The following FSTL5 variants were observed in gnomAD, a reference collection of about 807,000 sequenced individuals.
FSTL5 encodes follistatin like 5.
A neutral mutation model predicts 89.1 loss-of-function variants in FSTL5; 62 were observed. That is an observed-to-expected ratio of 0.70 (90% CI 0.57 to 0.86). FSTL5 has a LOEUF of 0.86. Ranked by LOEUF, FSTL5 falls within the 40% of genes least tolerant of loss-of-function variation. The probability of loss-of-function intolerance (pLI) is 0.00; values close to 1 mark genes in which losing one functional copy is unlikely to be tolerated. For missense variants in FSTL5, 1,057 were observed against 1,001.6 expected (o/e 1.06, Z -0.75); for synonymous variants, 383 against 346.2 (o/e 1.11, Z -1.18).
At chr4:162,087,916 C>A (rs1425479950) in intron 2 of FSTL5, among the ~76,000 whole-genome samples, 1 of 151,142 alleles carries the variant, frequency 6.6e-6, no homozygotes, top group Non-Finnish European at 1.5e-5. Context: ...TGCTTTGTCA[C>A]AGTTGTTGTA....
At chr4:161,893,745 T>C (rs1733062965) in intron 4 of FSTL5, among the ~76,000 whole-genome samples, 1 of 152,184 alleles carries the variant, frequency 6.6e-6, no homozygotes, top group South Asian at 2.1e-4. Context: ...GCATAGCACA[T>C]TGCTGACTGA....
intron 13 of FSTL5, among the ~76,000 whole-genome samples, chr4:161,476,692 A>C (rs1461076743): frequency 1.3e-5 from 2 of 152,158 alleles, no homozygotes; most frequent in Non-Finnish European, 2.9e-5. Context: ...TTGGTTCTAA[A>C]ATGAAGAACT....
chr4:161,810,960 C>A (rs1362773766), intron 4 of FSTL5, among the ~76,000 whole-genome samples: 2 of 152,092 alleles, frequency 1.3e-5, no homozygotes, highest in African/African-American at 2.4e-5. Context: ...AGTAACTATG[C>A]GTCAGCCTCG....
intron 3 of FSTL5, among the ~76,000 whole-genome samples, chr4:161,921,094 T>A (rs567419320): frequency 6.6e-5 from 10 of 152,270 alleles, no homozygotes; most frequent in African/African-American, 2.4e-4. Context: ...AGAAAGCACA[T>A]CCTTGGCACA....
At chr4:162,096,089 C>T (rs1162298237) in intron 2 of FSTL5, among the ~76,000 whole-genome samples, 1 of 151,908 alleles carries the variant, frequency 6.6e-6, no homozygotes, top group Admixed American at 6.6e-5. Context: ...TCAACTTTAA[C>T]TTCCAGTGAT....
chr4:161,952,680 T>G (rs1292129582), intron 3 of FSTL5, among the ~76,000 whole-genome samples: 1 of 151,920 alleles, frequency 6.6e-6, no homozygotes, highest in Non-Finnish European at 1.5e-5. Context: ...AAATGCATTT[T>G]TAATTTAACA....
intron 4 of FSTL5, among the ~76,000 whole-genome samples, chr4:161,815,654 G>T (rs1730301872): frequency 6.6e-6 from 1 of 151,996 alleles, no homozygotes. Context: ...TAAGTCAGTA[G>T]TTATACAATC....
chr4:162,063,827 C>A (rs1738800037), intron 2 of FSTL5, among the ~76,000 whole-genome samples: 1 of 151,864 alleles, frequency 6.6e-6, no homozygotes, highest in African/African-American at 2.4e-5. Context: ...ACTTTTCTAG[C>A]AAGATATTCT....
intron 12 of FSTL5, among the ~76,000 whole-genome samples, chr4:161,488,209 T>G (rs1315982349): frequency 2.0e-5 from 3 of 152,068 alleles, no homozygotes; most frequent in Non-Finnish European, 4.4e-5. Flanking sequence ...TATATTAAAT[T>G]TATCCCATTC....
At chr4:161,692,466 G>T (rs1737976237) in intron 6 of FSTL5, among the ~76,000 whole-genome samples, 1 of 151,842 alleles carries the variant, frequency 6.6e-6, no homozygotes, top group African/African-American at 2.4e-5. Flanking sequence ...AAAATGCACA[G>T]GTTTGGACCC....
chr4:161,399,972 A>G (rs546295925), intron 15 of FSTL5, among the ~76,000 whole-genome samples: 5 of 152,146 alleles, frequency 3.3e-5, no homozygotes, highest in African/African-American at 4.8e-5. Context: ...GATAAATGTT[A>G]ACTTCTTATA....
intron 15 of FSTL5, among the ~76,000 whole-genome samples, chr4:161,445,904 G>T (rs1426121196): frequency 3.3e-5 from 5 of 151,934 alleles, no homozygotes; most frequent in African/African-American, 1.2e-4. Flanking sequence ...ACTAGAAAAA[G>T]TAAATGTGAA....
chr4:161,896,734 AC>A (rs1733169945), intron 4 of FSTL5, among the ~76,000 whole-genome samples: 1 of 152,208 alleles, frequency 6.6e-6, no homozygotes, highest in African/African-American at 2.4e-5. Context: ...AAATTATTTT[AC>A]AAATTCAAAA....
At chr4:162,013,350 G>A (rs1458864094) in intron 3 of FSTL5, among the ~76,000 whole-genome samples, 1 of 152,104 alleles carries the variant, frequency 6.6e-6, no homozygotes, top group Non-Finnish European at 1.5e-5. Context: ...CTCTCCTGAT[G>A]TTTCCTTCTA....
rs1731305808 is a variant in FSTL5 at position 161,528,500 on chromosome 4, T to G, written c.1312+9666A>C. Among the ~76,000 whole-genome samples the G allele has an allele frequency of 1.4e-5, 2 of 142,560 alleles. 1 individual carries two copies. Among genetic ancestry groups the G allele is most frequent in the Non-Finnish European group, 3.1e-5 (2 of 65,118 alleles). 93.5% of individuals were successfully genotyped at this position (142,560 alleles called of 152,430 possible). On this transcript the variant is annotated intron_variant, in intron 10 of 15. Coordinates refer to ENST00000306100, the MANE Select transcript of FSTL5 (RefSeq NM_020116.5). ...TGGTATTTGGGTAAATAGAGGACAA[T>G]AGGAAACACAGTTGTATAATCTGGG...
intron 6 of FSTL5, among the ~76,000 whole-genome samples, chr4:161,748,864 G>A (rs187034633): frequency 2.7e-5 from 4 of 150,272 alleles, no homozygotes; most frequent in Admixed American, 2.0e-4. Context: ...ACTCGACAAA[G>A]GACATGAAAA....
At chr4:161,696,306 C>T (rs1336574085) in intron 6 of FSTL5, among the ~76,000 whole-genome samples, 5 of 152,058 alleles carry the variant, frequency 3.3e-5, no homozygotes, top group Non-Finnish European at 5.9e-5. Flanking sequence ...CTATTCTGTT[C>T]CATTGGCCTT....
At chr4:161,881,196 TTAA>T (rs1189061624) in intron 4 of FSTL5, among the ~76,000 whole-genome samples, 4 of 148,602 alleles carry the variant, frequency 2.7e-5, no homozygotes, top group Admixed American at 6.7e-5. Context: ...ATTTAACATT[TTAA>T]TAATATTAAT....
At chr4:161,600,130 G>A (rs1294763889) in intron 7 of FSTL5, among the ~76,000 whole-genome samples, 1 of 142,916 alleles carries the variant, frequency 7.0e-6, no homozygotes, top group Non-Finnish European at 1.5e-5. Flanking sequence ...ACATCAACAT[G>A]AATGAATCCC....
Sources: gnomAD v4.1 joint callset for allele counts (sites outside exome capture counted in the v4.1 genomes callset) on GRCh38, gnomAD v4.1.1 for gene constraint, MANE v1.5 for transcripts, NCBI Gene and HGNC (gene_info 2026-07-23, HGNC 2026-07-21) for gene names.